The following TBL1X variants were observed in gnomAD, a reference collection of about 807,000 sequenced individuals.
TBL1X encodes the protein transducin beta like 1 X-linked, also known as F-box-like/WD repeat-containing protein TBL1X.
Under a neutral mutation model 50.7 loss-of-function variants are expected in TBL1X, and 10 were observed. That is an observed-to-expected ratio of 0.20 (90% confidence interval 0.12 to 0.33). The LOEUF is 0.33. Ranked by LOEUF, TBL1X falls within the 10% of genes least tolerant of loss-of-function variation. The pLI, the probability that TBL1X is intolerant of heterozygous loss-of-function variation, is 1.00. For synonymous variants in TBL1X, 190 were observed against 214.7 expected, an observed-to-expected ratio of 0.88 and a Z score of 1.01; for missense variants, 340 against 504.4, an observed-to-expected ratio of 0.67 and a Z score of 3.12.
intron 2 of TBL1X, among the ~76,000 whole-genome samples, chrX:9,525,215 C>A (rs2082126197): frequency 9.0e-6 from 1 of 111,542 alleles, no homozygotes; most frequent in African/African-American, 3.3e-5. Context: ...CCCGGAACAC[C>A]ATGGGTCCCC....
At chrX:9,511,286 G>A (rs1013014713) in intron 2 of TBL1X, among the ~76,000 whole-genome samples, 3 of 111,997 alleles carry the variant, frequency 2.7e-5, no homozygotes, top group Admixed American at 9.5e-5. Context: ...CATTTGACCC[G>A]CTGGCATGCA....
intron 3 of TBL1X, among the ~76,000 whole-genome samples, chrX:9,647,806 C>G (rs778947791): frequency 9.0e-6 from 1 of 111,099 alleles, no homozygotes; most frequent in African/African-American, 3.3e-5. Flanking sequence ...TGAGCCAGGA[C>G]GAGGAGTCGA....
chrX:9,655,474 A>G (rs2082860077), intron 5 of TBL1X, among the ~76,000 whole-genome samples: 1 of 111,652 alleles, frequency 9.0e-6, no homozygotes, highest in Non-Finnish European at 1.9e-5. Context: ...TTGTTTTTGA[A>G]TACAGCAATA....
At chrX:9,523,322 C>T (rs1371997030) in intron 2 of TBL1X, among the ~76,000 whole-genome samples, 1 of 111,940 alleles carries the variant, frequency 8.9e-6, no homozygotes. Flanking sequence ...CAGAGTCTGC[C>T]CAGCCCCTCT....
intron 2 of TBL1X, among the ~76,000 whole-genome samples, chrX:9,508,288 C>T (rs765350595): frequency 1.5e-4 from 17 of 112,422 alleles, no homozygotes; most frequent in African/African-American, 5.5e-4. Context: ...AGGATATGAA[C>T]AGACACTTCT....
At chrX:9,689,758 A>G (rs1368259938) in intron 7 of TBL1X, among the ~76,000 whole-genome samples, 3 of 113,003 alleles carry the variant, frequency 2.7e-5, no homozygotes, top group Non-Finnish European at 5.6e-5. Context: ...CTAAGATGCC[A>G]GTTTCCCTCT....
At chrX:9,704,515 A>G (rs745351847) in intron 12 of TBL1X, among the ~76,000 whole-genome samples, 89 of 111,613 alleles carry the variant, frequency 8.0e-4, no homozygotes, top group African/African-American at 2.8e-3. Flanking sequence ...ATCCCTGCCA[A>G]CGTGGCAGGA....
chrX:9,709,570 T>G, intron 14 of TBL1X, 63 bp from the exon 15 acceptor site: 1 of 1,189,420 alleles, frequency 8.4e-7, no homozygotes, highest in African/African-American at 1.7e-5. Context: ...GGAGGAATGA[T>G]TCCACATCGT....
chrX:9,551,841 G>A (rs1045129643), intron 2 of TBL1X, among the ~76,000 whole-genome samples: 27 of 111,813 alleles, frequency 2.4e-4, no homozygotes, highest in African/African-American at 8.8e-4. Flanking sequence ...CCAGAGCATC[G>A]AGCATAGTTT....
chrX:9,706,759 C>G (rs1453545258), intron 13 of TBL1X, among the ~76,000 whole-genome samples: 5 of 111,443 alleles, frequency 4.5e-5, no homozygotes, highest in African/African-American at 3.3e-5. Flanking sequence ...ACCTCCTGGG[C>G]TAGTGTCCAA....
At chrX:9,684,757 G>A (rs1035765008) in intron 6 of TBL1X, among the ~76,000 whole-genome samples, 2 of 111,820 alleles carry the variant, frequency 1.8e-5, no homozygotes, top group African/African-American at 6.5e-5. Context: ...GCTGTTAGTT[G>A]ATGTAAACAC....
intron 2 of TBL1X, among the ~76,000 whole-genome samples, chrX:9,504,014 C>A (rs753674647): frequency 8.9e-6 from 1 of 111,839 alleles, no homozygotes; most frequent in East Asian, 2.8e-4. Context: ...TGTCAGATAC[C>A]CTCTGCAGGA....
Position 9,704,464 on chromosome X carries a change from G to A in TBL1X, c.1115-529G>A, listed in dbSNP as rs748551884. ...CGGGAGATTCTGCAGGCTGTGGGGT[G>A]CAAGAAGTGTCACGGAGCCTCTCTC... On this transcript the variant is annotated intron_variant, in intron 12 of 17. Coordinates refer to ENST00000645353, the MANE Select transcript of TBL1X (RefSeq NM_005647.4). Among the ~76,000 whole-genome samples the A allele has an allele frequency of 3.6e-5, 4 of 111,917 alleles. No homozygotes were observed. The South Asian group carries it at 1.5e-3, about 42-fold the overall frequency.
At chrX:9,696,550 T>C (rs1419843055) in intron 11 of TBL1X, among the ~76,000 whole-genome samples, 1 of 112,906 alleles carries the variant, frequency 8.9e-6, no homozygotes, top group Non-Finnish European at 1.9e-5. Flanking sequence ...TCCTTTGCTT[T>C]CCAAGGGAGA....
At chrX:9,503,188 G>A (rs967046494) in intron 2 of TBL1X, among the ~76,000 whole-genome samples, 3 of 111,422 alleles carry the variant, frequency 2.7e-5, no homozygotes, top group East Asian at 2.8e-4. Context: ...GTGGTGTGGC[G>A]GCCCACCTGA....
At chrX:9,566,066 G>C (rs762444219) in intron 2 of TBL1X, among the ~76,000 whole-genome samples, 2 of 112,326 alleles carry the variant, frequency 1.8e-5, no homozygotes, top group Non-Finnish European at 1.9e-5. Context: ...GAAAGTGAAA[G>C]TATAGGATAT....
chrX:9,630,742 A>T (rs2082716778), intron 2 of TBL1X, among the ~76,000 whole-genome samples: 1 of 110,905 alleles, frequency 9.0e-6, no homozygotes, highest in African/African-American at 3.3e-5. Context: ...CGCCCAGCTA[A>T]TTTTTGTATT....
At chrX:9,523,477 A>G (rs1601731416) in intron 2 of TBL1X, among the ~76,000 whole-genome samples, 2 of 111,291 alleles carry the variant, frequency 1.8e-5, no homozygotes, top group Non-Finnish European at 3.8e-5. Context: ...AGGCCACGCC[A>G]CTCACACTGG....
At chrX:9,617,112 G>A (rs899526617) in intron 2 of TBL1X, among the ~76,000 whole-genome samples, 1 of 111,901 alleles carries the variant, frequency 8.9e-6, no homozygotes, top group African/African-American at 3.3e-5. Flanking sequence ...AAGGCACCGT[G>A]TTTTTAATGT....
Sources: allele counts gnomAD v4.1 joint callset (sites outside exome capture counted in the v4.1 genomes callset), GRCh38; gene constraint gnomAD v4.1.1; transcripts MANE v1.5; gene names NCBI Gene and HGNC (gene_info 2026-07-23, HGNC 2026-07-21).